Variants in SCN3A observed in about 807,000 individuals in gnomAD.
SCN3A encodes sodium voltage-gated channel alpha subunit 3.
Under a neutral mutation model 187.6 loss-of-function variants are expected in SCN3A, and 60 were observed. The observed-to-expected ratio is 0.32, with a 90% confidence interval of 0.26 to 0.40. The LOEUF (loss-of-function observed/expected upper bound fraction) is 0.40, where lower values mean the gene tolerates loss of function less well. SCN3A is among the 10% of genes least tolerant of loss of function. The pLI, the probability that SCN3A is intolerant of heterozygous loss-of-function variation, is 1.00. For missense variants in SCN3A, 1,601 were observed against 2,428.2 expected (o/e 0.66, Z 7.16); for synonymous variants, 788 against 829.2 (o/e 0.95, Z 0.85).
At chr2:165,098,534 G>A (rs919270656) in intron 22 of SCN3A, among the ~76,000 whole-genome samples, 1 of 152,026 alleles carries the variant, frequency 6.6e-6, no homozygotes, top group African/African-American at 2.4e-5. Context: ...GCATTCACTG[G>A]GTTCTTAGTT....
Position 165,137,911 on chromosome 2 carries a change from G to C in SCN3A, c.2359C>G (p.Gln787Glu). The C allele has an allele frequency of 6.2e-7, 1 of 1,612,686 alleles. No individual in the cohort carries two copies. The highest frequency in any genetic ancestry group is 8.5e-7 in the Non-Finnish European group (1 of 1,178,852). Residue 787 changes from glutamine to glutamate, a missense_variant, in exon 15 of 28, where the codon CAA becomes GAA. By Grantham distance (29) the Gln-to-Glu change is conservative. This residue lies in a region of SCN3A where 376 missense variants were observed against 476.0 expected (regional missense o/e 0.79). Coordinates refer to ENST00000283254, the MANE Select transcript of SCN3A (RefSeq NM_006922.4). Reference protein sequence around the residue: ...MAMEHYPMTEQFSSVLTVGNL... With the variant: ...MAMEHYPMTEEFSSVLTVGNL... ...CCTACAGTCAACACACTACTGAATT[G>C]CTCAGTCATGGGGTAGTGCTCCATG...
chr2:165,199,875 A>G (rs1692207066), intron 1 of SCN3A, among the ~76,000 whole-genome samples: 1 of 152,102 alleles, frequency 6.6e-6, no homozygotes, highest in African/African-American at 2.4e-5. Context: ...AATATAAACA[A>G]AGAATGTGTT....
chr2:165,127,464 A>C (rs1687061731), intron 18 of SCN3A, among the ~76,000 whole-genome samples, 167 bp downstream of exon 18: 1 of 152,222 alleles, frequency 6.6e-6, no homozygotes, highest in Non-Finnish European at 1.5e-5. Flanking sequence ...AATTTTTAGA[A>C]ATCCATTTCC....
intron 18 of SCN3A, among the ~76,000 whole-genome samples, chr2:165,120,224 C>A (rs1686585146): frequency 6.6e-6 from 1 of 151,778 alleles, no homozygotes; most frequent in African/African-American, 2.4e-5. Flanking sequence ...AGACATGGTA[C>A]CTGAATATGA....
Position 165,146,767 on chromosome 2 carries a change from CT to C in SCN3A, c.1642del (p.Ser548ValfsTer13). 1 of 1,614,020 alleles carries C rather than the reference CT, an allele frequency of 6.2e-7. No homozygotes were observed. The highest frequency in any genetic ancestry group is 8.5e-7 in the Non-Finnish European group (1 of 1,179,930). The stretch of plus-strand genomic sequence containing the variant: ...ATGAGGGGAGCAGAATTTTTTGTCA[CT>C]GGTCAGTCTGTTTCCATCCATGGAG... Reference protein sequence around the residue: ...LFSMDGNRLTSDKKFCSPHQS... With the variant: ...LFSMDGNRLTXDKKFCSPHQS... On this transcript the variant is annotated frameshift_variant, in exon 12 of 28. Coordinates refer to ENST00000283254, the MANE Select transcript of SCN3A (RefSeq NM_006922.4). LOFTEE classifies it high-confidence loss of function.
chr2:165,122,649 CA>C (rs1363666690), intron 18 of SCN3A: 1 of 152,146 alleles, frequency 6.6e-6, no homozygotes, highest in Non-Finnish European at 1.5e-5. Flanking sequence ...TGGGATTGCC[CA>C]TCTCGCCTGA....
chr2:165,162,254 C>CTTTTTTTTTTTTTTTTT, intron 9 of SCN3A, 54 bp downstream of exon 9: 2 of 1,347,484 alleles, frequency 1.5e-6, no homozygotes, highest in Non-Finnish European at 2.1e-6. Flanking sequence ...TTCCTACCTA[C>CTTTTTTTTTTTTTTTTT]TTTTTTTTTT....
At chr2:165,156,490 G>C (rs1376741527) in intron 9 of SCN3A, among the ~76,000 whole-genome samples, 1 of 110,162 alleles carries the variant, frequency 9.1e-6, no homozygotes, top group East Asian at 3.1e-4. Context: ...TCCAGCCTGG[G>C]TGACAGAGCG....
At chr2:165,096,309 T>G (rs1173959949) in intron 24 of SCN3A, among the ~76,000 whole-genome samples, 158 bp downstream of exon 24, 2 of 152,210 alleles carry the variant, frequency 1.3e-5, no homozygotes, top group African/African-American at 4.8e-5. Context: ...TAGGCACACA[T>G]TAATCAAGCA....
At chr2:165,150,521 A>G (rs1175245574) in intron 11 of SCN3A, among the ~76,000 whole-genome samples, 1 of 152,204 alleles carries the variant, frequency 6.6e-6, no homozygotes, top group East Asian at 1.9e-4. Flanking sequence ...TACCTTGGAT[A>G]AATTTAAATT....
chr2:165,178,739 A>G (rs2105931407), intron 2 of SCN3A, among the ~76,000 whole-genome samples: 1 of 152,054 alleles, frequency 6.6e-6, no homozygotes, highest in Non-Finnish European at 1.5e-5. Flanking sequence ...TTTTTTCTCC[A>G]TCAGGTTGTA....
In SCN3A at chr2:165,131,277, C is replaced by T. The variant is rs1224434176; in HGVS notation, c.2532G>A (p.Val844=). ...LSLMELGLSN[V]EGLSVLRSFR... is the part of the protein sequence containing the mutation. The stretch of plus-strand genomic sequence containing the variant: ...ATGATCGCAGTACAGACAATCCCTC[C>T]ACATTTGACAGACCAAGCTCCATTA... Residue 844 remains valine, a synonymous_variant, in exon 16 of 28, where the codon GTG becomes GTA. Coordinates refer to ENST00000283254, the MANE Select transcript of SCN3A (RefSeq NM_006922.4). 3 of 1,598,564 alleles carry T rather than the reference C, an allele frequency of 1.9e-6. No homozygotes were observed. The highest frequency in any genetic ancestry group is 4.5e-5 in the East Asian group (2 of 44,366).
chr2:165,160,799 C>T (rs561254724), intron 9 of SCN3A, among the ~76,000 whole-genome samples: 1 of 152,140 alleles, frequency 6.6e-6, no homozygotes, highest in Non-Finnish European at 1.5e-5. Context: ...CCCACCACAC[C>T]CAGCTAATTT....
intron 18 of SCN3A, among the ~76,000 whole-genome samples, chr2:165,118,475 G>A (rs1686482141): frequency 6.6e-6 from 1 of 152,216 alleles, no homozygotes; most frequent in South Asian, 2.1e-4. Flanking sequence ...GAAGACGGTA[G>A]ATTAGTTTGC....
At chr2:165,144,512 GCATGCTAC>G (rs1034417404) in intron 12 of SCN3A, among the ~76,000 whole-genome samples, 51 of 152,172 alleles carry the variant, frequency 3.4e-4, no homozygotes, top group African/African-American at 1.2e-3. Context: ...AGCACTCCAG[GCATGCTAC>G]CATGTCAGGG....
intron 9 of SCN3A, among the ~76,000 whole-genome samples, chr2:165,156,406 G>A (rs890914285): frequency 1.7e-4 from 26 of 150,320 alleles, no homozygotes; most frequent in East Asian, 2.0e-4. Context: ...CCAGCTACTC[G>A]GGAGGCTGAG....
intron 11 of SCN3A, 134 bp from the exon 12 acceptor site, chr2:165,147,163 C>T: frequency 2.0e-6 from 2 of 998,060 alleles, no homozygotes; most frequent in Admixed American, 2.4e-5. Flanking sequence ...TATTTTGTCT[C>T]ACCACAAGAG....
chr2:165,125,494 T>C (rs1686934804), intron 18 of SCN3A, among the ~76,000 whole-genome samples: 1 of 152,048 alleles, frequency 6.6e-6, no homozygotes, highest in African/African-American at 2.4e-5. Flanking sequence ...ATTTATTTAT[T>C]TTTTAGTAGA....
intron 1 of SCN3A, among the ~76,000 whole-genome samples, chr2:165,197,560 T>C (rs982771697): frequency 6.6e-6 from 1 of 151,654 alleles, no homozygotes; most frequent in African/African-American, 2.4e-5. Flanking sequence ...TTCAGTATGT[T>C]TGCATATCTC....
Sources: allele counts gnomAD v4.1 joint callset (sites outside exome capture counted in the v4.1 genomes callset), GRCh38; gene constraint gnomAD v4.1.1; regional missense constraint gnomAD v4.1.1; transcripts MANE v1.5; gene names NCBI Gene and HGNC (gene_info 2026-07-23, HGNC 2026-07-21).